CAPN3: variants seen among roughly 807,000 people sequenced by gnomAD.
CAPN3 encodes calpain-3.
In CAPN3, 88 loss-of-function variants were observed where a neutral mutation model predicts 114.0. That is an observed-to-expected ratio of 0.77 (90% CI 0.65 to 0.92). The LOEUF (loss-of-function observed/expected upper bound fraction) is 0.92, where lower values mean the gene tolerates loss of function less well. Ranked by LOEUF, CAPN3 falls within the 40% of genes least tolerant of loss-of-function variation. The pLI, the probability that CAPN3 is intolerant of heterozygous loss-of-function variation, is 0.00. For missense variants in CAPN3, 1,028 were observed against 1,069.0 expected, an observed-to-expected ratio of 0.96 and a Z score of 0.53; for synonymous variants, 386 against 382.9, an observed-to-expected ratio of 1.01 and a Z score of -0.09.
intron 1 of CAPN3, among the ~76,000 whole-genome samples, chr15:42,360,684 G>T (rs28364374): frequency 1.4e-4 from 21 of 152,142 alleles, no homozygotes; most frequent in African/African-American, 4.3e-4. Flanking sequence ...AATCGCTTTT[G>T]TCCACCTACC....
Position 42,410,682 on chromosome 15 carries a change from G to T in CAPN3, c.2263+16G>T, listed in dbSNP as rs769329571. The T allele has an allele frequency of 3.1e-6, 5 of 1,608,778 alleles. No homozygotes were observed. The highest frequency in any genetic ancestry group is 2.2e-5 in the South Asian group (2 of 90,860). On this transcript the variant is annotated intron_variant, in intron 21 of 23. Coordinates refer to ENST00000397163, the MANE Select transcript of CAPN3 (RefSeq NM_000070.3). ...AACGACGCAGGTGCTGAGAAGGAAG[G>T]GGTGGCAGGGATGTGGACCCGAGAC...
chr15:42,407,174 C>T (rs905729344), intron 15 of CAPN3, among the ~76,000 whole-genome samples: 7 of 152,110 alleles, frequency 4.6e-5, no homozygotes, highest in East Asian at 1.9e-4. Flanking sequence ...GTCACTTGCA[C>T]GAGCATGTCT....
At chr15:42,402,691 T>G in intron 12 of CAPN3, 103 bp from the exon 13 acceptor site, 1 of 1,572,114 alleles carries the variant, frequency 6.4e-7, no homozygotes, top group Non-Finnish European at 8.7e-7. Context: ...AACTGTGACA[T>G]GGGTGACCAG....
rs1329929489 is a variant in CAPN3 at position 42,401,740 on chromosome 15, T to C, written c.1454T>C (p.Met485Thr). The C allele has an allele frequency of 6.2e-7, 1 of 1,614,174 alleles. No individual in the cohort carries two copies. The highest frequency in any genetic ancestry group is 1.1e-5 in the South Asian group (1 of 91,086). Residue 485 changes from methionine (M) to threonine (T), a missense_variant, in exon 11 of 24, where the codon ATG becomes ACG. By Grantham distance (81) the Met-to-Thr change is moderately conservative (BLOSUM62 -1). Coordinates refer to ENST00000397163, the MANE Select transcript of CAPN3 (RefSeq NM_000070.3). The part of the protein sequence containing the change: ...EVICSFLVAL[M>T]QKNRRKDRKL... ...ATTTGCAGCTTCCTGGTGGCCCTGA[T>C]GCAGAAGAACCGGCGGAAGGACCGG...
intron 7 of CAPN3, among the ~76,000 whole-genome samples, chr15:42,393,835 C>T (rs757793152): frequency 3.5e-4 from 53 of 151,896 alleles, no homozygotes; most frequent in African/African-American, 1.2e-3. Flanking sequence ...CCTCGTGATC[C>T]GCCCACCTCG....
intron 10 of CAPN3, 115 bp from the exon 11 acceptor site, chr15:42,401,526 A>T (rs533218081): frequency 4.3e-6 from 2 of 467,828 alleles, no homozygotes; most frequent in African/African-American, 2.2e-5. Flanking sequence ...TTTTCTGTTG[A>T]TATTTCCTAA....
chr15:42,370,437 C>G (rs1009088811), intron 1 of CAPN3, among the ~76,000 whole-genome samples: 1 of 152,158 alleles, frequency 6.6e-6, no homozygotes, highest in African/African-American at 2.4e-5. Context: ...GCAGGAAGCT[C>G]TCTGCTCCTA....
intron 8 of CAPN3, 116 bp from the exon 9 acceptor site, chr15:42,396,684 C>A: frequency 1.3e-6 from 1 of 788,994 alleles, no homozygotes; most frequent in Non-Finnish European, 2.2e-6. Context: ...GTGAAGTCAG[C>A]ATTTTGGTAG....
rs1017898371 is a variant in CAPN3 at position 42,401,989 on chromosome 15, A to C, written c.1525-135A>C. ...ATACCAGGGGGGGCATTAGAGAGGC[A>C]GTGGAGCGGGCCTGGCAGAACAGGT... On this transcript the variant is annotated intron_variant, in intron 11 of 23. Transcript: ENST00000397163. 8 of 1,335,434 alleles carry C rather than the reference A, an allele frequency of 6.0e-6. No homozygotes were observed. In the Admixed American group the frequency reaches 1.2e-4, roughly 20 times the overall value. The allele number at this position is 1,335,434 out of a possible 1,614,324, so 82.7% of individuals were successfully genotyped here. A position where few individuals can be genotyped will look rare whatever the true frequency, so the allele number is the denominator to read the frequency against.
At chr15:42,374,013 G>A (rs142833389) in intron 1 of CAPN3, among the ~76,000 whole-genome samples, 3 of 152,190 alleles carry the variant, frequency 2.0e-5, no homozygotes, top group East Asian at 1.9e-4. Flanking sequence ...GGTGATGAAG[G>A]TTCCCTAAAG....
At chr15:42,365,426 G>A (rs1227980293) in intron 1 of CAPN3, among the ~76,000 whole-genome samples, 3 of 152,098 alleles carry the variant, frequency 2.0e-5, no homozygotes, top group Admixed American at 6.6e-5. Flanking sequence ...GCTGATAGCT[G>A]GGCCTTGCAG....
At chr15:42,379,406 G>T (rs2053179463) in intron 1 of CAPN3, among the ~76,000 whole-genome samples, 1 of 152,124 alleles carries the variant, frequency 6.6e-6, no homozygotes, top group Non-Finnish European at 1.5e-5. Context: ...GGTTTGTTCT[G>T]CTATTGTTGG....
intron 6 of CAPN3, among the ~76,000 whole-genome samples, chr15:42,392,036 G>A (rs1031922797): frequency 2.0e-5 from 3 of 151,932 alleles, no homozygotes; most frequent in East Asian, 1.9e-4. Context: ...ATGGTGGCAC[G>A]TGCCTGTAAT....
At chr15:42,366,834 T>TTTC (rs1555418076) in intron 1 of CAPN3, among the ~76,000 whole-genome samples, 26 of 141,752 alleles carry the variant, frequency 1.8e-4, no homozygotes, top group East Asian at 1.8e-3. Context: ...TTTTCTTTTT[T>TTTC]TTTTTCTTTT....
chr15:42,400,135 G>A (rs571730434), intron 10 of CAPN3, among the ~76,000 whole-genome samples: 1 of 152,146 alleles, frequency 6.6e-6, no homozygotes, highest in Non-Finnish European at 1.5e-5. Flanking sequence ...ACGGGTACTC[G>A]AAATCCAGTT....
chr15:42,385,001 C>T (rs1195953206), intron 2 of CAPN3, among the ~76,000 whole-genome samples: 1 of 152,236 alleles, frequency 6.6e-6, no homozygotes, highest in South Asian at 2.1e-4. Flanking sequence ...AGCATAGCTC[C>T]ATCTTAAAAG....
chr15:42,388,747 T>C (rs1424057404), intron 4 of CAPN3, among the ~76,000 whole-genome samples, 181 bp from the exon 5 acceptor site: 5 of 152,052 alleles, frequency 3.3e-5, no homozygotes, highest in Non-Finnish European at 5.9e-5. Flanking sequence ...CCTCTTGAGC[T>C]CAGTTTCTTC....
intron 1 of CAPN3, among the ~76,000 whole-genome samples, chr15:42,368,457 G>C (rs139143373): frequency 6.6e-6 from 1 of 152,140 alleles, no homozygotes; most frequent in Admixed American, 6.5e-5. Flanking sequence ...TAGTCAGTTG[G>C]CTGTGAGTTC....
At chr15:42,361,899 T>C (rs1210055094) in intron 1 of CAPN3, among the ~76,000 whole-genome samples, 2 of 152,246 alleles carry the variant, frequency 1.3e-5, no homozygotes, top group Middle Eastern at 3.2e-3. Flanking sequence ...TGTTCCTATC[T>C]GAACCTCTGC....
Sources: allele counts gnomAD v4.1 joint callset (sites outside exome capture counted in the v4.1 genomes callset), GRCh38; gene constraint gnomAD v4.1.1; transcripts MANE v1.5; gene names NCBI Gene and HGNC (gene_info 2026-07-23, HGNC 2026-07-21).